The following MYH11 variants were observed in gnomAD, a reference collection of about 807,000 sequenced individuals.
MYH11 encodes myosin heavy chain 11.
A neutral mutation model predicts 246.6 loss-of-function variants in MYH11; 80 were observed. That is an observed-to-expected ratio of 0.32 (90% CI 0.27 to 0.39). MYH11 has a LOEUF of 0.39. Among genes scored for constraint, MYH11 ranks in the 10% least tolerant of loss-of-function variants. MYH11 has a pLI of 1.00. For synonymous variants in MYH11, 1,071 were observed against 1,015.5 expected (o/e 1.05, Z -1.04); for missense variants, 2,158 against 2,546.8 (o/e 0.85, Z 3.29).
At chr16:15,725,425 G>C (rs2040705691) in intron 28 of MYH11, 1 of 491,862 alleles carries the variant, frequency 2.0e-6, no homozygotes, top group South Asian at 4.2e-5. Context: ...TCCCAGGGAT[G>C]CTGTCCCATC....
At chr16:15,822,030 A>C (rs2043428207) in intron 3 of MYH11, among the ~76,000 whole-genome samples, 1 of 152,066 alleles carries the variant, frequency 6.6e-6, no homozygotes, top group Admixed American at 6.5e-5. Context: ...TGGTCTTTGG[A>C]GGTAATGGCA....
chr16:15,823,007 T>C (rs1404350645), intron 3 of MYH11, among the ~76,000 whole-genome samples: 1 of 152,260 alleles, frequency 6.6e-6, no homozygotes, highest in African/African-American at 2.4e-5. Flanking sequence ...GACGGGGACC[T>C]TGGGCAGCGA....
chr16:15,806,874 A>G (rs2043026121), intron 3 of MYH11, among the ~76,000 whole-genome samples: 4 of 152,162 alleles, frequency 2.6e-5, no homozygotes, highest in Non-Finnish European at 5.9e-5. Context: ...GCAATGGAAA[A>G]TGCATATTCA....
Position 15,726,993 on chromosome 16 carries a change from C to G in MYH11, c.3713G>C (p.Gly1238Ala), listed in dbSNP as rs759954542. ...TLEKENADLA[G>A]ELRVLGQAKQ... Reference sequence around the variant, plus strand: ...GGCCTGGCCCAGGACCCGCAGCTCCCCGGCCAGGTCTGCGTTCTCTTTCTC... The same window carrying G: ...GGCCTGGCCCAGGACCCGCAGCTCCGCGGCCAGGTCTGCGTTCTCTTTCTC... Residue 1238 changes from glycine to alanine, a missense_variant, in exon 28 of 41, where the codon GGG becomes GCG. Coordinates refer to ENST00000300036, the MANE Select transcript of MYH11 (RefSeq NM_002474.3). 1 of 1,612,040 alleles carries G rather than the reference C, an allele frequency of 6.2e-7. No individual in the cohort carries two copies. The highest frequency in any genetic ancestry group is 1.1e-5 in the South Asian group (1 of 90,850).
In MYH11 at chr16:15,747,709, G is replaced by T. The variant is rs147056835; in HGVS notation, c.2272C>A (p.Pro758Thr). Reference sequence around the variant, plus strand: ...CTCTGCCCTATCCTGTATAAGTTGGGGTCAAGTTCCAGGGCTTTGATCTGC... The same window carrying T: ...CTCTGCCCTATCCTGTATAAGTTGGTGTCAAGTTCCAGGGCTTTGATCTGC... ...ILMIKALELD[P>T]NLYRIGQSKI... Residue 758 changes from proline to threonine, a missense_variant, in exon 19 of 41, where the codon CCC becomes ACC. Pro to Thr is a conservative substitution (Grantham distance 38, BLOSUM62 -1). Transcript: ENST00000300036. The T allele has an allele frequency of 9.3e-6, 15 of 1,614,026 alleles. No homozygotes were observed. The East Asian group carries it at 3.3e-4, about 36-fold the overall frequency.
Position 15,704,104 on chromosome 16 carries a change from A to G in MYH11, c.5806T>C (p.Phe1936Leu). 6.2e-7 allele frequency: 1 copy of G among 1,614,150 alleles called. No homozygotes were observed. Among genetic ancestry groups the G allele is most frequent in the Non-Finnish European group, 8.5e-7 (1 of 1,180,018 alleles). The stretch of plus-strand genomic sequence containing the variant: ...CCTCCAGACCTTCTAGAAGGAACGA[A>G]AGAGGTCTCGTTTCCTCGCCTGTGG... Reference protein sequence around the residue: ...SKLRRGNETSFVPSRRSGGRR... With the variant: ...SKLRRGNETSLVPSRRSGGRR... The change falls in exon 41 of 41, where the codon TTC becomes CTC. Residue 1936 changes from phenylalanine (F) to leucine (L), a missense_variant. Transcript: ENST00000300036.
chr16:15,739,396 C>T lies in MYH11; in HGVS notation c.2997+655G>A, dbSNP rs141342941. Among the ~76,000 whole-genome samples the T allele has an allele frequency of 2.6e-5, 4 of 152,154 alleles. No individual in the cohort carries two copies. In the East Asian group the frequency reaches 7.8e-4, roughly 30 times the overall value. On this transcript the variant is annotated intron_variant, in intron 23 of 40. Coordinates refer to ENST00000300036, the MANE Select transcript of MYH11 (RefSeq NM_002474.3). ...GATTGCAGGCATGAGCCACCGCACC[C>T]GGCCTGCCGCACTCTTAAAATATGG...
At chr16:15,855,619 A>C (rs1433603419) in intron 1 of MYH11, among the ~76,000 whole-genome samples, 1 of 152,170 alleles carries the variant, frequency 6.6e-6, no homozygotes, top group Non-Finnish European at 1.5e-5. Context: ...ATTAAGTTAA[A>C]TGTTGCAACA....
At chr16:15,712,571 G>A (rs2039864753) in intron 40 of MYH11, among the ~76,000 whole-genome samples, 1 of 152,160 alleles carries the variant, frequency 6.6e-6, no homozygotes, top group South Asian at 2.1e-4. Flanking sequence ...ACTCCAGCCT[G>A]GGCAACAGAG....
intron 4 of MYH11, 25 bp downstream of exon 4, chr16:15,798,635 C>T: frequency 9.0e-7 from 1 of 1,111,306 alleles, no homozygotes; most frequent in Non-Finnish European, 1.2e-6. Context: ...AAAAAAAAAA[C>T]AGAAGAAAAA....
At chr16:15,759,957 CG>C (rs1567736366) in intron 11 of MYH11, among the ~76,000 whole-genome samples, 1 of 152,056 alleles carries the variant, frequency 6.6e-6, no homozygotes. Flanking sequence ...ATTAGCCAGG[CG>C]TTGTGGTGCA....
intron 1 of MYH11, among the ~76,000 whole-genome samples, chr16:15,840,704 C>A (rs1224327384): frequency 6.6e-6 from 1 of 152,142 alleles, no homozygotes; most frequent in Non-Finnish European, 1.5e-5. Context: ...TGCACTCCAG[C>A]CTGGGCCACA....
At chr16:15,712,989 A>G (rs11075278) in intron 40 of MYH11, 69,760 of 150,036 alleles carry the variant, frequency 0.46, 17,242 homozygotes, top group African/African-American at 0.65. Flanking sequence ...GAGTAGCTGG[A>G]ACTATAGGCA....
chr16:15,778,070 C>T (rs1256997545), intron 7 of MYH11, among the ~76,000 whole-genome samples: 1 of 152,166 alleles, frequency 6.6e-6, no homozygotes, highest in Non-Finnish European at 1.5e-5. Context: ...CACAGGAAGC[C>T]TGAGCCCTAG....
At chr16:15,720,725 T>C in intron 33 of MYH11, 114 bp downstream of exon 33, 1 of 1,125,766 alleles carries the variant, frequency 8.9e-7, no homozygotes, top group Non-Finnish European at 1.3e-6. Flanking sequence ...AGAGCGAGAC[T>C]CTGTTTCAAA....
intron 40 of MYH11, among the ~76,000 whole-genome samples, chr16:15,710,085 G>A (rs2039693456): frequency 6.6e-6 from 1 of 152,190 alleles, no homozygotes; most frequent in African/African-American, 2.4e-5. Flanking sequence ...GCAGAAGGCA[G>A]GACAGACCTT....
At chr16:15,779,624 G>C (rs1344635196) in intron 6 of MYH11, among the ~76,000 whole-genome samples, 2 of 150,620 alleles carry the variant, frequency 1.3e-5, no homozygotes, top group Non-Finnish European at 3.0e-5. Flanking sequence ...ATCCAACTAT[G>C]GATTAAACCT....
At chr16:15,816,788 A>G (rs1452016526) in intron 3 of MYH11, among the ~76,000 whole-genome samples, 2 of 120,152 alleles carry the variant, frequency 1.7e-5, no homozygotes, top group Non-Finnish European at 3.2e-5. Flanking sequence ...TATGGTGGTA[A>G]ATACCAAAAA....
At chr16:15,809,363 C>T (rs2043088119) in intron 3 of MYH11, among the ~76,000 whole-genome samples, 1 of 151,866 alleles carries the variant, frequency 6.6e-6, no homozygotes, top group African/African-American at 2.4e-5. Flanking sequence ...GAGACCTCAT[C>T]TCTACAAAAA....
Sources: gnomAD v4.1 joint callset for allele counts (sites outside exome capture counted in the v4.1 genomes callset) on GRCh38, gnomAD v4.1.1 for gene constraint, MANE v1.5 for transcripts, NCBI Gene and HGNC (gene_info 2026-07-23, HGNC 2026-07-21) for gene names.